STAT5B: variants seen among roughly 807,000 people sequenced by gnomAD.
STAT5B encodes transcription factor STAT5B.
STAT5B carries 21 observed loss-of-function variants against 107.8 expected under a neutral mutation model. That is an observed-to-expected ratio of 0.19 (90% CI 0.14 to 0.28). The LOEUF (loss-of-function observed/expected upper bound fraction) is 0.28, where lower values mean the gene tolerates loss of function less well. Ranked by LOEUF, STAT5B falls within the 10% of genes least tolerant of loss-of-function variation. STAT5B has a pLI of 1.00. For synonymous variants in STAT5B, 325 were observed against 401.7 expected (o/e 0.81, Z 2.28); for missense variants, 565 against 1,008.2 (o/e 0.56, Z 5.95).
chr17:42,269,697 T>A (rs898612346), intron 1 of STAT5B: 1 of 152,238 alleles, frequency 6.6e-6, no homozygotes, highest in East Asian at 1.9e-4. Flanking sequence ...GCACAGGGAA[T>A]TGAAGTTCTT....
intron 16 of STAT5B, among the ~76,000 whole-genome samples, chr17:42,203,363 A>G (rs1424684758): frequency 6.6e-6 from 1 of 152,186 alleles, no homozygotes; most frequent in Non-Finnish European, 1.5e-5. Flanking sequence ...AAACCATGGA[A>G]ACTATGTACT....
At chr17:42,262,847 T>C (rs1333600463) in intron 1 of STAT5B, among the ~76,000 whole-genome samples, 1 of 99,970 alleles carries the variant, frequency 1.0e-5, no homozygotes, top group South Asian at 3.4e-4. Context: ...CACATATATA[T>C]GTATATACAC....
At chr17:42,207,439 T>C (rs1057234488) in intron 16 of STAT5B, 119 bp downstream of exon 16, 2 of 1,320,006 alleles carry the variant, frequency 1.5e-6, no homozygotes, top group South Asian at 1.2e-5. Flanking sequence ...TCTCACTGAA[T>C]GGTAATTGTG....
At chr17:42,270,229 T>C (rs889186496) in intron 1 of STAT5B, among the ~76,000 whole-genome samples, 2 of 151,990 alleles carry the variant, frequency 1.3e-5, no homozygotes, top group African/African-American at 4.8e-5. Flanking sequence ...AATAATAAAT[T>C]AGCCCAAATA....
At chr17:42,254,783 A>G (rs889592883) in intron 1 of STAT5B, among the ~76,000 whole-genome samples, 2 of 152,130 alleles carry the variant, frequency 1.3e-5, no homozygotes, top group African/African-American at 4.8e-5. Context: ...ATGAGAATAG[A>G]AAATTTTTAA....
chr17:42,233,111 A>C (rs1460512472), intron 1 of STAT5B, among the ~76,000 whole-genome samples: 1 of 152,154 alleles, frequency 6.6e-6, no homozygotes, highest in Non-Finnish European at 1.5e-5. Flanking sequence ...GGCTGGGGTT[A>C]TAGGTGTGAG....
intron 1 of STAT5B, chr17:42,270,712 T>C (rs919879750): frequency 2.6e-5 from 4 of 152,182 alleles, no homozygotes; most frequent in African/African-American, 9.6e-5. Context: ...AAATGTCTTA[T>C]AACAAAGTGG....
intron 15 of STAT5B, 107 bp downstream of exon 15, chr17:42,210,061 CATA>C: frequency 3.3e-6 from 5 of 1,509,098 alleles, no homozygotes; most frequent in Non-Finnish European, 4.5e-6. Context: ...TTATGTTTCC[CATA>C]ATTAGTACTG....
intron 1 of STAT5B, among the ~76,000 whole-genome samples, chr17:42,238,847 G>A (rs2080378699): frequency 6.6e-6 from 1 of 151,778 alleles, no homozygotes; most frequent in African/African-American, 2.4e-5. Context: ...CATGAAGTCT[G>A]TTCTCTCATC....
chr17:42,216,363 C>T (rs191491116), intron 11 of STAT5B, among the ~76,000 whole-genome samples: 1 of 152,188 alleles, frequency 6.6e-6, no homozygotes, highest in Non-Finnish European at 1.5e-5. Context: ...ACATGGAGAA[C>T]AGGAGAGAGA....
intron 17 of STAT5B, 60 bp from the exon 18 acceptor site, chr17:42,202,507 G>A: frequency 6.3e-7 from 1 of 1,584,678 alleles, no homozygotes; most frequent in South Asian, 1.1e-5. Flanking sequence ...CTGACTTGGG[G>A]AGGGGACCAA....
chr17:42,273,306 G>C (rs1278055998), intron 1 of STAT5B, among the ~76,000 whole-genome samples: 1 of 152,050 alleles, frequency 6.6e-6, no homozygotes, highest in African/African-American at 2.4e-5. Flanking sequence ...CCACACATTT[G>C]AGGACAGCGA....
At chr17:42,214,710 A>G (rs1236489879) in intron 12 of STAT5B, 1 of 905,864 alleles carries the variant, frequency 1.1e-6, no homozygotes, top group African/African-American at 1.8e-5. Context: ...TTATGGACTA[A>G]TCTCTATTGG....
chr17:42,258,264 A>C (rs1788606519), intron 1 of STAT5B, among the ~76,000 whole-genome samples: 1 of 152,256 alleles, frequency 6.6e-6, no homozygotes, highest in Non-Finnish European at 1.5e-5. Context: ...AAAGTTATTG[A>C]ATATTTTATT....
chr17:42,241,109 C>A (rs550371170), intron 1 of STAT5B, among the ~76,000 whole-genome samples: 6 of 151,718 alleles, frequency 4.0e-5, no homozygotes, highest in African/African-American at 1.2e-4. Flanking sequence ...GAGGCAGAGG[C>A]GGGCAGATCA....
chr17:42,284,748 G>A, the STAT5B span, among the ~76,000 whole-genome samples: 2 of 152,232 alleles, frequency 1.3e-5, no homozygotes, highest in Admixed American at 1.3e-4. Context: ...CTCCGCCGGT[G>A]TGTGCTGGGC....
At chr17:42,215,357 A>G (rs2080162697) in intron 12 of STAT5B, among the ~76,000 whole-genome samples, 1 of 152,162 alleles carries the variant, frequency 6.6e-6, no homozygotes, top group Admixed American at 6.6e-5. Context: ...TTTACTGAGT[A>G]CTGACTGTGT....
chr17:42,211,506 C>CA (rs533078233), intron 13 of STAT5B, among the ~76,000 whole-genome samples: 1,625 of 140,726 alleles, frequency 0.012, 22 homozygotes, highest in African/African-American at 0.039. Context: ...AACTCTGTCT[C>CA]AAAAAAAAAA....
chr17:42,204,487 C>T (rs1458663339), intron 16 of STAT5B, among the ~76,000 whole-genome samples: 1 of 152,216 alleles, frequency 6.6e-6, no homozygotes, highest in African/African-American at 2.4e-5. Flanking sequence ...GCTTATTACC[C>T]TAATCTTCTT....
Sources: allele counts gnomAD v4.1 joint callset (sites outside exome capture counted in the v4.1 genomes callset), GRCh38; gene constraint gnomAD v4.1.1; transcripts MANE v1.5; gene names NCBI Gene and HGNC (gene_info 2026-07-23, HGNC 2026-07-21).